Variants in CHCHD3 observed in about 807,000 individuals in gnomAD.
CHCHD3 encodes coiled-coil-helix-coiled-coil-helix domain containing 3.
A neutral mutation model predicts 38.2 loss-of-function variants in CHCHD3; 20 were observed. The ratio of observed to expected loss-of-function variants is 0.52; its 90% confidence interval spans 0.37 to 0.76. The LOEUF is 0.76. CHCHD3 is among the 30% of genes least tolerant of loss of function. The pLI is 0.00. For missense variants in CHCHD3, 245 were observed against 279.2 expected, an observed-to-expected ratio of 0.88 and a Z score of 0.87; for synonymous variants, 82 against 100.0, an observed-to-expected ratio of 0.82 and a Z score of 1.07.
intron 4 of CHCHD3, among the ~76,000 whole-genome samples, chr7:132,922,447 T>A (rs1810283989): frequency 6.6e-6 from 1 of 152,072 alleles, no homozygotes; most frequent in African/African-American, 2.4e-5. Context: ...ACTGCCAGTA[T>A]CCCACTGCAA....
rs1172581872 is a variant in CHCHD3 at position 132,924,553 on chromosome 7, A to G, written c.370-38808T>C. On this transcript the variant is annotated intron_variant, in intron 4 of 7. Transcript: ENST00000262570. ...TAAAAGGGTCTCACTGGTTCTGGTCATAGTAAAGAAGTAAAATATTTTTTA... is the reference window on the plus strand; with the variant it reads ...TAAAAGGGTCTCACTGGTTCTGGTCGTAGTAAAGAAGTAAAATATTTTTTA... Among the ~76,000 whole-genome samples the G allele has an allele frequency of 2.0e-5, 3 of 152,174 alleles. 1 individual carries two copies. Among genetic ancestry groups the G allele is most frequent in the Admixed American group, 2.0e-4 (3 of 15,268 alleles).
At chr7:132,829,126 A>G (rs1282316628) in intron 6 of CHCHD3, among the ~76,000 whole-genome samples, 1 of 152,214 alleles carries the variant, frequency 6.6e-6, no homozygotes, top group African/African-American at 2.4e-5. Context: ...TAACAAGTAA[A>G]TGAATTCTAG....
At chr7:132,834,794 G>T (rs1013786178) in intron 6 of CHCHD3, among the ~76,000 whole-genome samples, 1 of 152,048 alleles carries the variant, frequency 6.6e-6, no homozygotes, top group Non-Finnish European at 1.5e-5. Context: ...AACCAGGAAA[G>T]CTCACCTGAG....
chr7:132,914,069 C>A (rs371378061), intron 4 of CHCHD3, among the ~76,000 whole-genome samples: 1 of 148,682 alleles, frequency 6.7e-6, no homozygotes, highest in African/African-American at 2.5e-5. Context: ...AAGTGACACT[C>A]CTGTCTCAGC....
intron 4 of CHCHD3, among the ~76,000 whole-genome samples, chr7:132,947,474 A>T (rs1213349702): frequency 1.3e-5 from 2 of 151,984 alleles, no homozygotes; most frequent in African/African-American, 2.4e-5. Flanking sequence ...TATAGCCTGA[A>T]AAAATGAGAT....
chr7:132,836,140 G>C (rs1425270037), intron 6 of CHCHD3, among the ~76,000 whole-genome samples: 1 of 151,482 alleles, frequency 6.6e-6, no homozygotes, highest in Admixed American at 6.6e-5. Flanking sequence ...TTTAGACAGA[G>C]TCTTGCTCTG....
chr7:132,933,088 G>A (rs1014405095), intron 4 of CHCHD3, among the ~76,000 whole-genome samples: 1 of 152,168 alleles, frequency 6.6e-6, no homozygotes, highest in African/African-American at 2.4e-5. Context: ...TCATACATTT[G>A]TTAAGCAGAC....
chr7:132,855,365 C>A lies in CHCHD3; in HGVS notation c.454-16896G>T, dbSNP rs535379964. Among the ~76,000 whole-genome samples, 147 of 152,276 alleles carry A rather than the reference C, an allele frequency of 9.7e-4. 1 individual carries two copies. Among genetic ancestry groups the A allele is most frequent in the African/African-American group, 3.3e-3 (137 of 41,548 alleles). On this transcript the variant is annotated intron_variant, in intron 5 of 7. Coordinates refer to ENST00000262570, the MANE Select transcript of CHCHD3 (RefSeq NM_017812.4). ...TAATTTCTTTTCATCAATTTTAGCA[C>A]AAACTGAGATGTTAATGATAACTGT... is the stretch of plus-strand genomic sequence containing the variant.
intron 4 of CHCHD3, among the ~76,000 whole-genome samples, chr7:132,956,599 T>A (rs965383746): frequency 6.6e-6 from 1 of 152,230 alleles, no homozygotes; most frequent in East Asian, 1.9e-4. Flanking sequence ...ATGAGGTCTA[T>A]CAATGATCAT....
At chr7:132,879,768 A>T (rs1809005055) in intron 5 of CHCHD3, among the ~76,000 whole-genome samples, 1 of 143,270 alleles carries the variant, frequency 7.0e-6, no homozygotes, top group Non-Finnish European at 1.5e-5. Context: ...TTTCCAGAAG[A>T]TGGAAAGAGA....
At chr7:132,866,783 T>C (rs1310868235) in intron 5 of CHCHD3, among the ~76,000 whole-genome samples, 1 of 152,204 alleles carries the variant, frequency 6.6e-6, no homozygotes, top group Non-Finnish European at 1.5e-5. Context: ...AGACAGATAC[T>C]ATACTTGAAA....
intron 4 of CHCHD3, among the ~76,000 whole-genome samples, chr7:132,909,310 A>G (rs1384267664): frequency 1.3e-5 from 2 of 152,126 alleles, no homozygotes; most frequent in Admixed American, 6.5e-5. Context: ...TCTGGCCAAC[A>G]TGGTGAAACC....
chr7:132,897,876 C>A (rs921267614), intron 4 of CHCHD3, among the ~76,000 whole-genome samples: 3 of 152,174 alleles, frequency 2.0e-5, no homozygotes, highest in African/African-American at 7.2e-5. Flanking sequence ...AAGCCGCGGA[C>A]CCTCGCAGTG....
chr7:133,031,638 T>C (rs550449191), intron 2 of CHCHD3, among the ~76,000 whole-genome samples: 4 of 152,312 alleles, frequency 2.6e-5, no homozygotes, highest in African/African-American at 4.8e-5. Context: ...TTTCCTTTAA[T>C]GTATTTTTCT....
intron 4 of CHCHD3, among the ~76,000 whole-genome samples, chr7:132,969,564 C>T (rs1444364895): frequency 2.0e-5 from 3 of 152,186 alleles, no homozygotes; most frequent in Non-Finnish European, 4.4e-5. Context: ...TATGAAGTTA[C>T]TGATACTAGA....
At position 132,861,970 on chromosome 7, in the gene CHCHD3, A is replaced by G. The variant is rs568199535; in HGVS notation, c.454-23501T>C. Among the ~76,000 whole-genome samples the G allele has an allele frequency of 2.6e-3, 396 of 152,320 alleles. 4 individuals are homozygous for G. The highest frequency in any genetic ancestry group is 9.1e-3 in the African/African-American group (377 of 41,574). On this transcript the variant is annotated intron_variant, in intron 5 of 7. Coordinates refer to ENST00000262570, the MANE Select transcript of CHCHD3 (RefSeq NM_017812.4). The stretch of plus-strand genomic sequence containing the variant: ...TGTATTAAAGAACTTATACTACCAT[A>G]AAATAATCCCTATATTCCTTCCCAC...
intron 1 of CHCHD3, 68 bp from the exon 2 acceptor site, chr7:133,070,297 C>T (rs1173995193): frequency 3.8e-6 from 5 of 1,317,338 alleles, no homozygotes; most frequent in Non-Finnish European, 4.3e-6. Context: ...GCAATAACAT[C>T]CAAGTAATTT....
At chr7:132,990,377 G>C (rs1812243649) in intron 3 of CHCHD3, among the ~76,000 whole-genome samples, 1 of 152,118 alleles carries the variant, frequency 6.6e-6, no homozygotes, top group Admixed American at 6.5e-5. Flanking sequence ...GGAAGAAAAA[G>C]GAACCTAAGG....
chr7:132,974,228 C>T (rs1006657295), intron 4 of CHCHD3, among the ~76,000 whole-genome samples: 1 of 152,168 alleles, frequency 6.6e-6, no homozygotes, highest in Non-Finnish European at 1.5e-5. Flanking sequence ...GGAAAACACA[C>T]ACTGGTGTAA....
Sources: allele counts gnomAD v4.1 joint callset (sites outside exome capture counted in the v4.1 genomes callset), GRCh38; gene constraint gnomAD v4.1.1; transcripts MANE v1.5; gene names NCBI Gene and HGNC (gene_info 2026-07-23, HGNC 2026-07-21).